TTLL11: variants seen among roughly 807,000 people sequenced by gnomAD.
TTLL11 encodes the protein tubulin polyglutamylase TTLL11.
Under a neutral mutation model 51.7 loss-of-function variants are expected in TTLL11, and 42 were observed. That is an observed-to-expected ratio of 0.81 (90% CI 0.64 to 1.05). The LOEUF (loss-of-function observed/expected upper bound fraction) is 1.05, where lower values mean the gene tolerates loss of function less well. Among genes scored for constraint, TTLL11 ranks in the 50% least tolerant of loss-of-function variants. The pLI is 0.00. For missense variants in TTLL11, 799 were observed against 940.4 expected, an observed-to-expected ratio of 0.85 and a Z score of 1.97; for synonymous variants, 381 against 383.5, an observed-to-expected ratio of 0.99 and a Z score of 0.08.
intron 1 of TTLL11, among the ~76,000 whole-genome samples, chr9:122,066,997 T>A (rs778856798): frequency 6.6e-6 from 1 of 152,168 alleles, no homozygotes; most frequent in Non-Finnish European, 1.5e-5. Flanking sequence ...ACTTCCCCCA[T>A]GATTCAATTA....
In TTLL11 at chr9:122,031,859, G is replaced by A; in HGVS notation, c.560-3C>T. 1.2e-6 allele frequency: 2 copies of A among 1,612,076 alleles called. No homozygotes were observed. Among genetic ancestry groups the A allele is most frequent in the Middle Eastern group, 1.7e-4 (1 of 6,052 alleles). On this transcript the variant is annotated splice_region_variant and splice_polypyrimidine_tract_variant and intron_variant, in intron 2 of 8. Transcript: ENST00000321582. ...TTTACGCACCATCTCCGTCATGCCTGGGGAGAAGAGACGCTGTGAGGTTTT... is the reference window on the plus strand; with the variant it reads ...TTTACGCACCATCTCCGTCATGCCTAGGGAGAAGAGACGCTGTGAGGTTTT...
intron 6 of TTLL11, among the ~76,000 whole-genome samples, chr9:121,916,505 A>T: frequency 6.9e-6 from 1 of 145,318 alleles, no homozygotes; most frequent in Non-Finnish European, 1.5e-5. Flanking sequence ...TTATAATTTT[A>T]AAAACAAAGC....
intron 1 of TTLL11, among the ~76,000 whole-genome samples, chr9:122,073,913 G>A (rs187581538): frequency 5.5e-4 from 83 of 152,256 alleles, no homozygotes; most frequent in Non-Finnish European, 9.7e-4. Flanking sequence ...CATCAGCTAC[G>A]TCTGCTTCCC....
At position 121,878,883 on chromosome 9, in the gene TTLL11, C is replaced by A. The variant is rs1000621469; in HGVS notation, c.1482-8135G>T. Among the ~76,000 whole-genome samples the A allele has an allele frequency of 2.6e-5, 4 of 152,248 alleles. No individual in the cohort carries two copies. In the South Asian group the frequency reaches 8.3e-4, roughly 32 times the overall value. Reference sequence around the variant, plus strand: ...ATAGGCCAAGGAGGGGTGCTCCAGTCGCCTCCTCCTCCCTGGGCTGTGGGG... The same window carrying A: ...ATAGGCCAAGGAGGGGTGCTCCAGTAGCCTCCTCCTCCCTGGGCTGTGGGG... On this transcript the variant is annotated intron_variant, in intron 6 of 8. Coordinates refer to ENST00000321582, the MANE Select transcript of TTLL11 (RefSeq NM_001139442.2).
chr9:121,895,611 CTGTG>C (rs778736331), intron 6 of TTLL11, among the ~76,000 whole-genome samples: 2 of 139,698 alleles, frequency 1.4e-5, no homozygotes, highest in African/African-American at 5.4e-5. Flanking sequence ...GTATGTGTGT[CTGTG>C]TGAACATGTG....
At chr9:121,883,100 G>A (rs565088357) in intron 6 of TTLL11, among the ~76,000 whole-genome samples, 13 of 152,246 alleles carry the variant, frequency 8.5e-5, no homozygotes, top group South Asian at 6.2e-4. Flanking sequence ...ACCTTTGGGC[G>A]TCATTTTTCA....
chr9:121,914,672 C>T (rs1840257860), intron 6 of TTLL11, among the ~76,000 whole-genome samples: 2 of 152,192 alleles, frequency 1.3e-5, no homozygotes, highest in South Asian at 4.1e-4. Flanking sequence ...ACTCCTATGT[C>T]ATGCGGCCCC....
chr9:121,914,282 G>C (rs999002689), intron 6 of TTLL11, among the ~76,000 whole-genome samples: 4 of 152,172 alleles, frequency 2.6e-5, no homozygotes, highest in African/African-American at 9.7e-5. Context: ...GAATAGATGT[G>C]GCAGAGATAG....
rs768215225 is a variant in TTLL11, at chr9:121,971,746, GAAAAAAA to G, written c.1481+2256_1481+2262del. ...ACTAAGAAAAATTCCTCTGCCTTGGGAAAAAAAAAAAAAAAGAAAATGTGGCATATAT... is the reference window on the plus strand; with the variant it reads ...ACTAAGAAAAATTCCTCTGCCTTGGGAAAAAAAAGAAAATGTGGCATATAT... On this transcript the variant is annotated intron_variant, in intron 6 of 8. Transcript: ENST00000321582. Among the ~76,000 whole-genome samples the G allele has an allele frequency of 2.0e-4, 20 of 97,892 alleles. 2 individuals carry two copies. The South Asian group carries it at 6.3e-3, about 31-fold the overall frequency. The allele number at this position is 97,892 out of a possible 152,430, so 64.2% of individuals were successfully genotyped here. A position where few individuals can be genotyped will look rare whatever the true frequency, so the allele number is the denominator to read the frequency against.
intron 3 of TTLL11, among the ~76,000 whole-genome samples, chr9:121,992,787 T>C (rs2131701878): frequency 6.6e-6 from 1 of 152,328 alleles, no homozygotes; most frequent in East Asian, 1.9e-4. Flanking sequence ...CTGAAAACTT[T>C]ATGTGGCTTT....
rs1588044330 is a variant in TTLL11, at chr9:121,818,102, AGAGTTGAAAGGAGGCTG to A, written c.*4468_*4484del. 1 of 152,292 alleles carries A rather than the reference AGAGTTGAAAGGAGGCTG, an allele frequency of 6.6e-6. No individual in the cohort carries two copies. Among genetic ancestry groups the A allele is most frequent in the East Asian group, 1.9e-4 (1 of 5,198 alleles). The allele number at this position is 152,292 out of a possible 1,614,324, so 9.4% of individuals were successfully genotyped here. On this transcript the variant is annotated 3_prime_UTR_variant, in exon 9 of 9. Transcript: ENST00000321582. ...ACCCCACACAAACTCAGGGCAATGC[AGAGTTGAAAGGAGGCTG>A]GCTAGCCGGCTGGAGGGGTGTTGGT...
chr9:121,857,754 C>A (rs1324618233), intron 8 of TTLL11, among the ~76,000 whole-genome samples: 1 of 152,176 alleles, frequency 6.6e-6, no homozygotes, highest in Non-Finnish European at 1.5e-5. Context: ...CTCACCGGAG[C>A]TTGAATTGCG....
intron 6 of TTLL11, among the ~76,000 whole-genome samples, chr9:121,963,411 G>C (rs572742270): frequency 6.6e-6 from 1 of 152,168 alleles, no homozygotes; most frequent in African/African-American, 2.4e-5. Flanking sequence ...AAAAGCACAC[G>C]AACATTTAAG....
At chr9:122,087,624 G>A (rs1846160111) in intron 1 of TTLL11, among the ~76,000 whole-genome samples, 1 of 152,114 alleles carries the variant, frequency 6.6e-6, no homozygotes, top group Non-Finnish European at 1.5e-5. Flanking sequence ...GGTGGCCATG[G>A]CACCACTGTG....
At chr9:122,000,713 C>A (rs1218826273) in intron 3 of TTLL11, among the ~76,000 whole-genome samples, 3 of 152,150 alleles carry the variant, frequency 2.0e-5, no homozygotes, top group Non-Finnish European at 4.4e-5. Flanking sequence ...TCATCAAGAA[C>A]CATAAAATGG....
intron 4 of TTLL11, among the ~76,000 whole-genome samples, chr9:121,981,831 G>T (rs753619701): frequency 2.0e-5 from 3 of 152,150 alleles, no homozygotes; most frequent in Non-Finnish European, 4.4e-5. Flanking sequence ...TCCATTGCAT[G>T]CTCCCAGCCA....
At chr9:121,896,036 GGTT>G (rs1839507517) in intron 6 of TTLL11, among the ~76,000 whole-genome samples, 1 of 138,146 alleles carries the variant, frequency 7.2e-6, no homozygotes, top group Non-Finnish European at 1.6e-5. Context: ...ATGAATGTGT[GGTT>G]GTGTACATTT....
At chr9:121,917,317 T>C (rs1005210067) in intron 6 of TTLL11, among the ~76,000 whole-genome samples, 1 of 148,092 alleles carries the variant, frequency 6.8e-6, no homozygotes, top group Admixed American at 6.7e-5. Context: ...AAAAAAAAAA[T>C]GAAAAAAATT....
chr9:121,822,184 C>T lies in TTLL11; in HGVS notation c.*403G>A, dbSNP rs778726548. On this transcript the variant is annotated 3_prime_UTR_variant, in exon 9 of 9. Coordinates refer to ENST00000321582, the MANE Select transcript of TTLL11 (RefSeq NM_001139442.2). The surrounding 1 kb of genome is among the most constrained non-coding windows in gnomAD (Gnocchi z 5.8). ...GTTCTCAGGCTTTTCCCGGTGGGCG[C>T]GTGGAGGCCCCGGCAGCAGATCCTA... 1.6e-4 allele frequency: 25 copies of T among 154,954 alleles called. No individual in the cohort carries two copies. Among genetic ancestry groups the T allele is most frequent in the Non-Finnish European group, 2.6e-4 (18 of 70,124 alleles). The allele number at this position is 154,954 out of a possible 1,614,324, so 9.6% of individuals were successfully genotyped here.
Sources: allele counts gnomAD v4.1 joint callset (sites outside exome capture counted in the v4.1 genomes callset), GRCh38; gene constraint gnomAD v4.1.1; non-coding constraint Gnocchi (gnomAD v3.1); transcripts MANE v1.5; gene names NCBI Gene and HGNC (gene_info 2026-07-23, HGNC 2026-07-21).